Variants in PCDHA7 observed in about 807,000 individuals in gnomAD.
PCDHA7 encodes the protein protocadherin alpha-7.
In PCDHA7, 37 loss-of-function variants were observed where a neutral mutation model predicts 57.2. That is an observed-to-expected ratio of 0.65 (90% CI 0.50 to 0.85). PCDHA7 has a LOEUF of 0.85. Ranked by LOEUF, PCDHA7 falls within the 40% of genes least tolerant of loss-of-function variation. PCDHA7 has a pLI of 0.00. For synonymous variants in PCDHA7, 553 were observed against 558.8 expected (o/e 0.99, Z 0.15); for missense variants, 1,188 against 1,241.8 (o/e 0.96, Z 0.65).
chr5:140,900,882 A>G (rs1453854297), intron 1 of PCDHA7, among the ~76,000 whole-genome samples: 1 of 152,044 alleles, frequency 6.6e-6, no homozygotes, highest in African/African-American at 2.4e-5. Flanking sequence ...ATTGCCTGTC[A>G]TTTGGATAAA....
At chr5:140,870,073 A>T in intron 1 of PCDHA7, 1 of 1,613,872 alleles carries the variant, frequency 6.2e-7, no homozygotes, top group Non-Finnish European at 8.5e-7. Context: ...GGCTACAGAT[A>T]AGGGGACTCC....
chr5:140,848,527 G>A (rs1379026024), intron 1 of PCDHA7: 2 of 1,594,382 alleles, frequency 1.3e-6, no homozygotes, highest in Admixed American at 1.7e-5. Context: ...GATCCAGAGG[G>A]TCAGCCTCTA....
chr5:140,989,949 G>A (rs551733184), intron 3 of PCDHA7, among the ~76,000 whole-genome samples: 3 of 152,064 alleles, frequency 2.0e-5, no homozygotes, highest in South Asian at 2.1e-4. Context: ...CGTTTTTCTC[G>A]GTGAGACCAA....
chr5:140,848,720 G>A, intron 1 of PCDHA7: 1 of 1,592,556 alleles, frequency 6.3e-7, no homozygotes, highest in Non-Finnish European at 8.6e-7. Flanking sequence ...GGGACCTTCT[G>A]GAGGTAAATC....
intron 1 of PCDHA7, chr5:140,848,677 C>T: frequency 6.3e-7 from 1 of 1,592,256 alleles, no homozygotes; most frequent in Non-Finnish European, 8.6e-7. Context: ...GAGCTGGTGC[C>T]GCGCCTGTTC....
intron 1 of PCDHA7, chr5:140,852,674 C>G (rs1302085462): frequency 2.9e-5 from 28 of 966,250 alleles, no homozygotes; most frequent in African/African-American, 3.6e-5. Context: ...GCACAACTCA[C>G]CTTGAATATA....
intron 3 of PCDHA7, among the ~76,000 whole-genome samples, chr5:140,986,213 C>G (rs1554247816): frequency 6.6e-6 from 1 of 152,208 alleles, no homozygotes. Context: ...TTACTGGCCC[C>G]TTTCTCTAGC....
At chr5:140,942,105 A>G (rs572263085) in intron 1 of PCDHA7, among the ~76,000 whole-genome samples, 2 of 152,344 alleles carry the variant, frequency 1.3e-5, no homozygotes, top group South Asian at 2.1e-4. Context: ...CATTCATATA[A>G]TCAAACTTTA....
At position 140,978,933 on chromosome 5, in the gene PCDHA7, C is replaced by CT. The variant is rs1179085898; in HGVS notation, c.2356-13dup. The stretch of plus-strand genomic sequence containing the variant: ...TCTTGTCATTTTAACAGAAAACTCT[C>CT]TTTGTGATTTTGCAGCCACGACAGC... On this transcript the variant is annotated splice_polypyrimidine_tract_variant and intron_variant, in intron 1 of 3. Coordinates refer to ENST00000525929, the MANE Select transcript of PCDHA7 (RefSeq NM_018910.3). 8 of 1,613,976 alleles carry CT rather than the reference C, an allele frequency of 5.0e-6. No homozygotes were observed. The highest frequency in any genetic ancestry group is 1.7e-5 in the Admixed American group (1 of 59,984).
intron 1 of PCDHA7, chr5:140,864,749 C>T (rs544244056): frequency 6.6e-6 from 1 of 152,178 alleles, no homozygotes; most frequent in East Asian, 1.9e-4. Context: ...ACCGATTATA[C>T]TCATTTTTCT....
rs2098415868 is a variant in PCDHA7 at position 141,010,044 on chromosome 5, G to A, written c.*107G>A. On this transcript the variant is annotated 3_prime_UTR_variant, in exon 4 of 4. Coordinates refer to ENST00000525929, the MANE Select transcript of PCDHA7 (RefSeq NM_018910.3). ...TTTCCTATCTACATGAGCCCTCTTA[G>A]AGACCTCAGAAATCTGCAGAAAGTT... 6.3e-7 allele frequency: 1 copy of A among 1,594,604 alleles called. No individual in the cohort carries two copies. The highest frequency in any genetic ancestry group is 8.5e-7 in the Non-Finnish European group (1 of 1,171,226).
At position 140,877,496 on chromosome 5, in the gene PCDHA7, C is replaced by T. The variant is rs563591404; in HGVS notation, c.2355+40758C>T. On this transcript the variant is annotated intron_variant, in intron 1 of 3. Transcript: ENST00000525929. ...GTGTCGCTGGTGGAGAACGGCCAGG[C>T]CCCAAAGACGTCGTCGCGGGCCTCA... 24 of 1,613,862 alleles carry T rather than the reference C, an allele frequency of 1.5e-5. No individual in the cohort carries two copies. In the East Asian group the frequency reaches 4.9e-4, roughly 33 times the overall value.
chr5:140,883,817 G>A, intron 1 of PCDHA7: 1 of 1,612,636 alleles, frequency 6.2e-7, no homozygotes, highest in Non-Finnish European at 8.5e-7. Context: ...GAGCGGCAAG[G>A]TGTACGCGCT....
At chr5:140,927,641 CTG>C (rs782418145) in intron 1 of PCDHA7, 23 of 1,614,074 alleles carry the variant, frequency 1.4e-5, no homozygotes, top group Non-Finnish European at 1.4e-5. Flanking sequence ...CCCAATGGGA[CTG>C]TGTTATTCCG....
At position 140,842,965 on chromosome 5, in the gene PCDHA7, C is replaced by A. The variant is rs2150348785; in HGVS notation, c.2355+6227C>A. 5 of 1,594,984 alleles carry A rather than the reference C, an allele frequency of 3.1e-6. 1 individual carries two copies. Among genetic ancestry groups the A allele is most frequent in the East Asian group, 4.5e-5 (2 of 44,816 alleles). On this transcript the variant is annotated intron_variant, in intron 1 of 3. Transcript: ENST00000525929. Reference sequence around the variant, plus strand: ...CGGGCGTGCCGCCTCTGGGCAGCAACGTGACGCTGCAGGTGTTCGTGCTGG... The same window carrying A: ...CGGGCGTGCCGCCTCTGGGCAGCAAAGTGACGCTGCAGGTGTTCGTGCTGG...
intron 1 of PCDHA7, chr5:140,876,005 T>C: frequency 6.2e-7 from 1 of 1,613,854 alleles, no homozygotes; most frequent in African/African-American, 1.3e-5. Context: ...AATGAGAATT[T>C]TGAGCTTAAA....
At chr5:140,846,654 A>T (rs941473250) in intron 1 of PCDHA7, among the ~76,000 whole-genome samples, 1 of 149,238 alleles carries the variant, frequency 6.7e-6, no homozygotes, top group African/African-American at 2.5e-5. Flanking sequence ...GATTACAGGC[A>T]TGAGCCACCG....
At chr5:140,883,973 G>C (rs782157297) in intron 1 of PCDHA7, 1 of 1,612,840 alleles carries the variant, frequency 6.2e-7, no homozygotes, top group Non-Finnish European at 8.5e-7. Flanking sequence ...GCTGACGCCC[G>C]GGGCTGGCAG....
At chr5:141,001,723 A>T (rs936645287) in intron 3 of PCDHA7, among the ~76,000 whole-genome samples, 1 of 152,168 alleles carries the variant, frequency 6.6e-6, no homozygotes, top group Non-Finnish European at 1.5e-5. Flanking sequence ...GGAGCTTGAG[A>T]TATTTTACAA....
Sources: allele counts gnomAD v4.1 joint callset (sites outside exome capture counted in the v4.1 genomes callset), GRCh38; gene constraint gnomAD v4.1.1; transcripts MANE v1.5; gene names NCBI Gene and HGNC (gene_info 2026-07-23, HGNC 2026-07-21).